Variants in AKAIN1 observed in about 807,000 individuals in gnomAD.
The protein encoded by AKAIN1 is A-kinase anchor protein inhibitor 1.
In AKAIN1, 3 loss-of-function variants were observed where a neutral mutation model predicts 3.7. The observed-to-expected ratio is 0.82, with a 90% CI of 0.37 to 2.12. The LOEUF is 2.12. AKAIN1 is among the 30% of genes most tolerant of loss of function. AKAIN1 has a pLI of 0.06. For missense variants in AKAIN1, 82 were observed against 82.7 expected (o/e 0.99, Z 0.03); for synonymous variants, 31 against 30.8 (o/e 1.01, Z -0.02).
chr18:5,148,679 A>T (rs2071062946), intron 1 of AKAIN1, among the ~76,000 whole-genome samples: 1 of 152,124 alleles, frequency 6.6e-6, no homozygotes, highest in South Asian at 2.1e-4. Context: ...AACATGGCGA[A>T]ACCCCATCTC....
At chr18:5,166,139 T>G (rs2071166558) in intron 1 of AKAIN1, among the ~76,000 whole-genome samples, 1 of 152,056 alleles carries the variant, frequency 6.6e-6, no homozygotes, top group African/African-American at 2.4e-5. Flanking sequence ...TCTATTAGTG[T>G]GAAGGTCTCC....
chr18:5,175,063 T>C (rs2071218660), intron 1 of AKAIN1, among the ~76,000 whole-genome samples: 1 of 152,184 alleles, frequency 6.6e-6, no homozygotes, highest in Non-Finnish European at 1.5e-5. Context: ...CTTGGTTTAA[T>C]GTTCTGCCAT....
intron 1 of AKAIN1, among the ~76,000 whole-genome samples, chr18:5,177,507 C>A (rs1198962261): frequency 6.6e-6 from 1 of 151,082 alleles, no homozygotes; most frequent in African/African-American, 2.5e-5. Flanking sequence ...TATATATATG[C>A]ATACATATGT....
chr18:5,145,686 G>T lies in AKAIN1; in HGVS notation c.86C>A (p.Ala29Glu). Residue 29 changes from alanine (A) to glutamate (E), a missense_variant, in exon 2 of 2, where the codon GCA becomes GAA. Physicochemically the swap from Ala to Glu is moderately radical, Grantham distance 107. Coordinates refer to ENST00000434239, the MANE Select transcript of AKAIN1 (RefSeq NM_001145194.2). ...GACTTGCTGCACAGCTTGCAGGATT[G>T]CATTCTGCACAATCTGTTTGCTGGC... is the stretch of plus-strand genomic sequence containing the variant. Reference protein sequence around the residue: ...QNASKQIVQNAILQAVQQVSQ... With the variant: ...QNASKQIVQNEILQAVQQVSQ... 1.9e-6 allele frequency: 3 copies of T among 1,551,468 alleles called. No homozygotes were observed. The highest frequency in any genetic ancestry group is 2.6e-6 in the Non-Finnish European group (3 of 1,146,804).
At chr18:5,147,402 G>T (rs1428092605) in intron 1 of AKAIN1, among the ~76,000 whole-genome samples, 1 of 152,090 alleles carries the variant, frequency 6.6e-6, no homozygotes, top group Non-Finnish European at 1.5e-5. Context: ...TCTACCATTT[G>T]GTTGAAGGGC....
At chr18:5,165,848 T>C (rs914345220) in intron 1 of AKAIN1, among the ~76,000 whole-genome samples, 3 of 151,986 alleles carry the variant, frequency 2.0e-5, no homozygotes, top group African/African-American at 7.2e-5. Flanking sequence ...CTGATTGCAG[T>C]GAAAAGGATT....
chr18:5,155,705 G>A (rs1040933927), intron 1 of AKAIN1, among the ~76,000 whole-genome samples: 3 of 152,184 alleles, frequency 2.0e-5, no homozygotes, highest in African/African-American at 7.2e-5. Context: ...GCAGGAGTCT[G>A]CTATTTATAG....
At chr18:5,165,001 T>C (rs1281801682) in intron 1 of AKAIN1, among the ~76,000 whole-genome samples, 3 of 152,104 alleles carry the variant, frequency 2.0e-5, no homozygotes, top group Non-Finnish European at 4.4e-5. Context: ...AATTTACTGC[T>C]ACCTTTCTAG....
intron 1 of AKAIN1, among the ~76,000 whole-genome samples, chr18:5,175,525 A>G (rs1384096390): frequency 1.3e-5 from 2 of 152,182 alleles, no homozygotes; most frequent in Non-Finnish European, 2.9e-5. Flanking sequence ...GGAATGGCAG[A>G]GAAGTGCTTA....
chr18:5,151,591 A>G (rs916108729), intron 1 of AKAIN1, among the ~76,000 whole-genome samples: 1 of 152,202 alleles, frequency 6.6e-6, no homozygotes, highest in African/African-American at 2.4e-5. Context: ...CAGGCATAGG[A>G]CATTTCTAAG....
At chr18:5,183,674 G>A (rs189242050) in intron 1 of AKAIN1, among the ~76,000 whole-genome samples, 1 of 152,166 alleles carries the variant, frequency 6.6e-6, no homozygotes, top group Non-Finnish European at 1.5e-5. Context: ...GTTATTCACA[G>A]TTGTTATTTT....
chr18:5,162,126 A>G (rs2071142941), intron 1 of AKAIN1, among the ~76,000 whole-genome samples: 1 of 152,150 alleles, frequency 6.6e-6, no homozygotes, highest in Admixed American at 6.6e-5. Context: ...GGTCAAAATC[A>G]GTGAAAATAA....
At chr18:5,182,915 T>G (rs2071266380) in intron 1 of AKAIN1, among the ~76,000 whole-genome samples, 1 of 152,040 alleles carries the variant, frequency 6.6e-6, no homozygotes, top group African/African-American at 2.4e-5. Context: ...ATCCTCTAAC[T>G]CTGAAGAAAA....
chr18:5,183,582 T>TA lies in AKAIN1; in HGVS notation c.16+13455dup, dbSNP rs149678533. On this transcript the variant is annotated intron_variant, in intron 1 of 1. Coordinates refer to ENST00000434239, the MANE Select transcript of AKAIN1 (RefSeq NM_001145194.2). ...TGCAGTTGATTTAAAAAGCAAAATT[T>TA]AAAAAAAAACCCAGTGTTGACTATA... Among the ~76,000 whole-genome samples, 993 of 151,086 alleles carry TA rather than the reference T, an allele frequency of 6.6e-3. 5 individuals carry two copies. Among genetic ancestry groups the TA allele is most frequent in the African/African-American group, 0.014 (563 of 41,226 alleles).
intron 1 of AKAIN1, among the ~76,000 whole-genome samples, chr18:5,151,876 C>A (rs954451655): frequency 1.3e-5 from 2 of 152,316 alleles, no homozygotes; most frequent in South Asian, 2.1e-4. Context: ...TACATATATT[C>A]ATTCATAAAA....
intron 1 of AKAIN1, among the ~76,000 whole-genome samples, chr18:5,174,269 T>C (rs1037282814): frequency 2.0e-5 from 3 of 152,212 alleles, no homozygotes; most frequent in Middle Eastern, 3.4e-3. Flanking sequence ...GCAGTGCACA[T>C]AGAATTCCCT....
intron 1 of AKAIN1, among the ~76,000 whole-genome samples, chr18:5,164,527 T>G (rs558112584): frequency 6.6e-6 from 1 of 152,134 alleles, no homozygotes; most frequent in African/African-American, 2.4e-5. Flanking sequence ...GACTCATCTG[T>G]TTTTTATAGG....
chr18:5,184,934 A>G (rs2071278519), intron 1 of AKAIN1, among the ~76,000 whole-genome samples: 2 of 152,150 alleles, frequency 1.3e-5, no homozygotes, highest in South Asian at 4.1e-4. Context: ...ACATTATTTA[A>G]CTTCAAACTA....
chr18:5,174,872 T>G (rs1185758878), intron 1 of AKAIN1, among the ~76,000 whole-genome samples: 6 of 152,176 alleles, frequency 3.9e-5, no homozygotes, highest in Non-Finnish European at 8.8e-5. Flanking sequence ...TCAGATTCCC[T>G]GCAGAGACAG....
Sources: gnomAD v4.1 joint callset for allele counts (sites outside exome capture counted in the v4.1 genomes callset) on GRCh38, gnomAD v4.1.1 for gene constraint, MANE v1.5 for transcripts, NCBI Gene and HGNC (gene_info 2026-07-23, HGNC 2026-07-21) for gene names.